Variants in GPR39 observed in about 807,000 individuals in gnomAD.
GPR39 encodes the protein G protein-coupled receptor 39, also known as zinc sensing receptor.
GPR39 carries 23 observed loss-of-function variants against 18.4 expected under a neutral mutation model. The observed-to-expected ratio is 1.25, with a 90% CI of 0.90 to 1.77. The LOEUF is 1.77. Among genes scored for constraint, GPR39 ranks in the 40% most tolerant of loss-of-function variants. GPR39 has a pLI of 0.00. For missense variants in GPR39, 647 were observed against 602.4 expected (o/e 1.07, Z -0.78); for synonymous variants, 280 against 257.9 (o/e 1.09, Z -0.82).
At chr2:132,496,205 C>G (rs1681639365) in intron 1 of GPR39, among the ~76,000 whole-genome samples, 1 of 152,136 alleles carries the variant, frequency 6.6e-6, no homozygotes, top group Non-Finnish European at 1.5e-5. Flanking sequence ...GTTTTGCTTG[C>G]CTTTTTTTCA....
In GPR39 at chr2:132,645,001, G is replaced by T; in HGVS notation, c.857-100G>T. Reference sequence around the variant, plus strand: ...TACCATTTCCTGGCCAGTAAGCACAGAACAGAGGGGCTAAATATTTTATGG... The same window carrying T: ...TACCATTTCCTGGCCAGTAAGCACATAACAGAGGGGCTAAATATTTTATGG... On this transcript the variant is annotated intron_variant, in intron 1 of 1. Transcript: ENST00000329321. The T allele has an allele frequency of 4.3e-6, 6 of 1,388,688 alleles. No homozygotes were observed. The South Asian group carries it at 8.5e-5, about 20-fold the overall frequency. The allele number at this position is 1,388,688 out of a possible 1,614,324, so 86.0% of individuals were successfully genotyped here.
At chr2:132,484,101 C>G (rs1273934797) in intron 1 of GPR39, among the ~76,000 whole-genome samples, 1 of 152,194 alleles carries the variant, frequency 6.6e-6, no homozygotes, top group Non-Finnish European at 1.5e-5. Context: ...TTAGGCAACT[C>G]TCTAAAGCTA....
At chr2:132,487,598 G>A (rs1681366546) in intron 1 of GPR39, among the ~76,000 whole-genome samples, 1 of 151,936 alleles carries the variant, frequency 6.6e-6, no homozygotes, top group African/African-American at 2.4e-5. Context: ...AGTTGACAAA[G>A]AACCAAGTTA....
At chr2:132,434,133 T>C (rs1004426844) in intron 1 of GPR39, among the ~76,000 whole-genome samples, 5 of 152,188 alleles carry the variant, frequency 3.3e-5, no homozygotes, top group Admixed American at 3.3e-4. Context: ...TTAATGCAGA[T>C]GAGAGTGCTC....
intron 1 of GPR39, among the ~76,000 whole-genome samples, chr2:132,459,222 GTC>G (rs1203531445): frequency 6.6e-6 from 1 of 151,522 alleles, no homozygotes; most frequent in African/African-American, 2.4e-5. Flanking sequence ...TTGTGTTTGT[GTC>G]TCTTGTTTAG....
intron 1 of GPR39, among the ~76,000 whole-genome samples, chr2:132,552,330 G>A (rs553954240): frequency 6.6e-6 from 1 of 152,196 alleles, no homozygotes; most frequent in Admixed American, 6.5e-5. Flanking sequence ...GTGATAGTGA[G>A]TTCTCTCAAG....
chr2:132,595,364 T>C (rs1032099007), intron 1 of GPR39, among the ~76,000 whole-genome samples: 2 of 120,564 alleles, frequency 1.7e-5, no homozygotes, highest in South Asian at 2.9e-4. Flanking sequence ...ACATACCTCA[T>C]GCAGTTAGTT....
rs572113668 is a variant in GPR39, at chr2:132,491,759, A to C, written c.856+73861A>C. 4.5e-4 allele frequency among the ~76,000 whole-genome samples: 68 copies of C among 152,036 alleles called. No individual in the cohort carries two copies. The Middle Eastern group carries it at 0.01, about 23-fold the overall frequency. On this transcript the variant is annotated intron_variant, in intron 1 of 1. Transcript: ENST00000329321. ...GGTATTGTGTGAGCCCCAGAGGCAG[A>C]AACTGCCTAGATTCCAGTCCTAGCT...
At chr2:132,576,717 T>C (rs1198999622) in intron 1 of GPR39, among the ~76,000 whole-genome samples, 1 of 152,158 alleles carries the variant, frequency 6.6e-6, no homozygotes, top group Admixed American at 6.5e-5. Flanking sequence ...TTAAATTTTT[T>C]TTCTAAAATT....
chr2:132,427,668 C>T (rs1680151540), intron 1 of GPR39, among the ~76,000 whole-genome samples: 2 of 150,358 alleles, frequency 1.3e-5, no homozygotes, highest in Non-Finnish European at 3.0e-5. Flanking sequence ...ACAGCTACAT[C>T]TTTTTGTTTT....
intron 1 of GPR39, among the ~76,000 whole-genome samples, chr2:132,498,739 A>G (rs967921051): frequency 2.0e-5 from 3 of 151,982 alleles, no homozygotes; most frequent in Non-Finnish European, 1.5e-5. Context: ...AATACCTATT[A>G]TTTTTTGATT....
chr2:132,608,867 C>T (rs1431861572), intron 1 of GPR39, among the ~76,000 whole-genome samples: 1 of 152,150 alleles, frequency 6.6e-6, no homozygotes, highest in Non-Finnish European at 1.5e-5. Context: ...GGCATGTGGT[C>T]GCTCATTACT....
chr2:132,485,186 G>A lies in GPR39; in HGVS notation c.856+67288G>A, dbSNP rs368017940. Among the ~76,000 whole-genome samples, 5 of 152,286 alleles carry A rather than the reference G, an allele frequency of 3.3e-5. No individual in the cohort carries two copies. The East Asian group carries it at 9.7e-4, about 29-fold the overall frequency. On this transcript the variant is annotated intron_variant, in intron 1 of 1. Coordinates refer to ENST00000329321, the MANE Select transcript of GPR39 (RefSeq NM_001508.3). ...TATAAAATTTTTGTTTACACAATCT[G>A]TAGTCTAAGCATTGTGTCTAAAAAC...
chr2:132,458,098 A>G lies in GPR39; in HGVS notation c.856+40200A>G, dbSNP rs1331315432. Among the ~76,000 whole-genome samples, 4 of 152,178 alleles carry G rather than the reference A, an allele frequency of 2.6e-5. 1 individual carries two copies. The East Asian group carries it at 7.7e-4, about 29-fold the overall frequency. The stretch of plus-strand genomic sequence containing the variant: ...CCCCTTGCACATCCTGGGTGAGACG[A>G]TGCCCTGCCCTGCTTCAGCTCACCC... On this transcript the variant is annotated intron_variant, in intron 1 of 1. Coordinates refer to ENST00000329321, the MANE Select transcript of GPR39 (RefSeq NM_001508.3).
intron 1 of GPR39, among the ~76,000 whole-genome samples, chr2:132,567,590 ATTTCT>A (rs1319756214): frequency 6.6e-6 from 1 of 152,124 alleles, no homozygotes; most frequent in Non-Finnish European, 1.5e-5. Flanking sequence ...TAAGAAAGAA[ATTTCT>A]TTTCTTTATA....
chr2:132,563,854 C>T (rs1350826076), intron 1 of GPR39, among the ~76,000 whole-genome samples: 1 of 152,170 alleles, frequency 6.6e-6, no homozygotes, highest in East Asian at 1.9e-4. Flanking sequence ...TACTGGTTCT[C>T]AAACTTGGCT....
chr2:132,538,848 C>T (rs1679808022), intron 1 of GPR39, among the ~76,000 whole-genome samples: 1 of 152,178 alleles, frequency 6.6e-6, no homozygotes, highest in Non-Finnish European at 1.5e-5. Flanking sequence ...ACCTCTCAAT[C>T]TCCTTAGCAC....
chr2:132,468,936 T>C (rs755105633), intron 1 of GPR39, among the ~76,000 whole-genome samples: 14 of 152,212 alleles, frequency 9.2e-5, no homozygotes, highest in Non-Finnish European at 1.9e-4. Context: ...TAATGATTTT[T>C]CCCCACAATG....
At chr2:132,457,669 T>G (rs1680754883) in intron 1 of GPR39, among the ~76,000 whole-genome samples, 1 of 152,250 alleles carries the variant, frequency 6.6e-6, no homozygotes, top group Admixed American at 6.5e-5. Context: ...TCTTCAGAGC[T>G]GTCAGACAGG....
Sources: allele counts gnomAD v4.1 joint callset (sites outside exome capture counted in the v4.1 genomes callset), GRCh38; gene constraint gnomAD v4.1.1; transcripts MANE v1.5; gene names NCBI Gene and HGNC (gene_info 2026-07-23, HGNC 2026-07-21).